The following ATF6 variants were observed in gnomAD, a reference collection of about 807,000 sequenced individuals.
The protein encoded by ATF6 is cyclic AMP-dependent transcription factor ATF-6 alpha.
ATF6 carries 53 observed loss-of-function variants against 83.6 expected under a neutral mutation model. That is an observed-to-expected ratio of 0.63 (90% confidence interval 0.51 to 0.80). ATF6 has a LOEUF of 0.80. ATF6 is among the 30% of genes least tolerant of loss of function. The pLI, the probability that ATF6 is intolerant of heterozygous loss-of-function variation, is 0.00. For synonymous variants in ATF6, 288 were observed against 285.8 expected (o/e 1.01, Z -0.08); for missense variants, 744 against 797.9 (o/e 0.93, Z 0.81).
At chr1:161,782,618 A>G (rs1684661187) in intron 3 of ATF6, among the ~76,000 whole-genome samples, 1 of 152,230 alleles carries the variant, frequency 6.6e-6, no homozygotes, top group African/African-American at 2.4e-5. Context: ...CCGATTATAG[A>G]AAGTGGACTT....
At chr1:161,809,073 C>T (rs1685377700) in intron 7 of ATF6, among the ~76,000 whole-genome samples, 7 of 152,038 alleles carry the variant, frequency 4.6e-5, no homozygotes, top group African/African-American at 1.7e-4. Flanking sequence ...ACTTTAAGTT[C>T]TAGGGTACAT....
intron 9 of ATF6, among the ~76,000 whole-genome samples, chr1:161,824,131 A>G (rs1685829325): frequency 6.6e-6 from 1 of 152,120 alleles, no homozygotes; most frequent in South Asian, 2.1e-4. Context: ...TGGATATTGT[A>G]TTTTTAAAAT....
chr1:161,815,615 C>T (rs1482392715), intron 7 of ATF6, among the ~76,000 whole-genome samples: 4 of 151,658 alleles, frequency 2.6e-5, no homozygotes, highest in Non-Finnish European at 1.5e-5. Context: ...CAGTGTTTAT[C>T]AATCAATAAG....
At chr1:161,906,692 G>T (rs1159579935) in intron 14 of ATF6, among the ~76,000 whole-genome samples, 1 of 152,098 alleles carries the variant, frequency 6.6e-6, no homozygotes, top group African/African-American at 2.4e-5. Flanking sequence ...GTAAACCTTG[G>T]CTCATTCTTG....
At chr1:161,902,730 A>G (rs1687811737) in intron 14 of ATF6, among the ~76,000 whole-genome samples, 1 of 152,244 alleles carries the variant, frequency 6.6e-6, no homozygotes, top group South Asian at 2.1e-4. Flanking sequence ...TTCACCAATG[A>G]ACAAAACAGA....
chr1:161,917,626 T>G (rs941259123), intron 15 of ATF6, among the ~76,000 whole-genome samples: 8 of 152,148 alleles, frequency 5.3e-5, no homozygotes, highest in African/African-American at 1.9e-4. Flanking sequence ...TTCACCGTGT[T>G]AGCCAGGATG....
At chr1:161,854,330 C>G (rs1448089156) in intron 12 of ATF6, among the ~76,000 whole-genome samples, 3 of 152,310 alleles carry the variant, frequency 2.0e-5, no homozygotes, top group African/African-American at 7.2e-5. Flanking sequence ...GCCCCAACAA[C>G]TTGAAATTCT....
At chr1:161,857,166 G>A (rs554220673) in intron 12 of ATF6, among the ~76,000 whole-genome samples, 1 of 152,084 alleles carries the variant, frequency 6.6e-6, no homozygotes, top group East Asian at 1.9e-4. Flanking sequence ...GCCTGTAACT[G>A]CTCTCCTTTT....
chr1:161,851,023 C>T (rs2101824817), intron 10 of ATF6, among the ~76,000 whole-genome samples: 1 of 152,112 alleles, frequency 6.6e-6, no homozygotes, highest in South Asian at 2.1e-4. Flanking sequence ...TAATGTCAGT[C>T]ACTCTGTTGT....
At chr1:161,887,988 A>C (rs1028101644) in intron 14 of ATF6, among the ~76,000 whole-genome samples, 1 of 152,244 alleles carries the variant, frequency 6.6e-6, no homozygotes, top group Admixed American at 6.5e-5. Flanking sequence ...TAACTTTTTA[A>C]AAAACAACTG....
At chr1:161,882,703 A>G (rs938060237) in intron 14 of ATF6, among the ~76,000 whole-genome samples, 2 of 145,682 alleles carry the variant, frequency 1.4e-5, no homozygotes, top group Non-Finnish European at 3.0e-5. Context: ...GTGGGGGTCG[A>G]TACAGCTTTT....
At chr1:161,925,035 A>G (rs1688284068) in intron 15 of ATF6, among the ~76,000 whole-genome samples, 1 of 152,190 alleles carries the variant, frequency 6.6e-6, no homozygotes, top group African/African-American at 2.4e-5. Context: ...TCTTAAATCC[A>G]CAGGATTATA....
Position 161,827,655 on chromosome 1 carries a change from A to AT in ATF6, c.1187+6494_1187+6495insT, listed in dbSNP as rs530778718. On this transcript the variant is annotated intron_variant, in intron 9 of 15. Transcript: ENST00000367942. ...TATTGGTATGGGCCAAATGAAAAAA[A>AT]AAAAATAAAACACACAAGTTTGCCA... 1.9e-3 allele frequency among the ~76,000 whole-genome samples: 290 copies of AT among 152,064 alleles called. 1 individual carries two copies. The highest frequency in any genetic ancestry group is 2.7e-3 in the Non-Finnish European group (187 of 68,028).
intron 14 of ATF6, among the ~76,000 whole-genome samples, chr1:161,908,247 A>G (rs1165702107): frequency 6.6e-6 from 1 of 152,172 alleles, no homozygotes; most frequent in African/African-American, 2.4e-5. Context: ...TAGGGCCTGA[A>G]TTTTATTGTG....
intron 5 of ATF6, among the ~76,000 whole-genome samples, 173 bp downstream of exon 5, chr1:161,791,710 AAAT>A (rs1379738189): frequency 6.6e-6 from 1 of 152,142 alleles, no homozygotes; most frequent in African/African-American, 2.4e-5. Flanking sequence ...GAAAGGGGAG[AAAT>A]AATCTTTGGT....
In ATF6 at chr1:161,964,053, A is replaced by G. The variant is rs527661989; in HGVS notation, c.*5399A>G. The stretch of plus-strand genomic sequence containing the variant: ...CCTGTTATTTCTCTAAAATTCAAAT[A>G]AAGAATTTTTAAACTTACCTTGTTT... On this transcript the variant is annotated 3_prime_UTR_variant, in exon 16 of 16. Coordinates refer to ENST00000367942, the MANE Select transcript of ATF6 (RefSeq NM_007348.4). 1 of 152,360 alleles carries G rather than the reference A, an allele frequency of 6.6e-6. No homozygotes were observed. Among genetic ancestry groups the G allele is most frequent in the East Asian group, 1.9e-4 (1 of 5,194 alleles). The allele number at this position is 152,360 out of a possible 1,614,324, so 9.4% of individuals were successfully genotyped here.
intron 15 of ATF6, among the ~76,000 whole-genome samples, chr1:161,914,947 A>T (rs903680196): frequency 8.5e-5 from 13 of 152,316 alleles, no homozygotes; most frequent in Non-Finnish European, 1.8e-4. Context: ...GAACAAGTAG[A>T]TTCACTTCAA....
intron 14 of ATF6, among the ~76,000 whole-genome samples, chr1:161,880,640 A>G (rs553977312): frequency 1.3e-5 from 2 of 152,292 alleles, no homozygotes; most frequent in South Asian, 4.1e-4. Flanking sequence ...GTGTAGGGAT[A>G]TAGCACAATT....
chr1:161,858,359 A>G (rs1025196046), intron 12 of ATF6, among the ~76,000 whole-genome samples: 1 of 152,182 alleles, frequency 6.6e-6, no homozygotes, highest in Non-Finnish European at 1.5e-5. Context: ...GGAAAGATCC[A>G]ACTATATATT....
Sources: allele counts gnomAD v4.1 joint callset (sites outside exome capture counted in the v4.1 genomes callset), GRCh38; gene constraint gnomAD v4.1.1; transcripts MANE v1.5; gene names NCBI Gene and HGNC (gene_info 2026-07-23, HGNC 2026-07-21).